DTNB: variants seen among roughly 807,000 people sequenced by gnomAD.
The protein encoded by DTNB is DTN-B.
Under a neutral mutation model 90.7 loss-of-function variants are expected in DTNB, and 63 were observed. That is an observed-to-expected ratio of 0.69 (90% CI 0.57 to 0.86). The LOEUF (loss-of-function observed/expected upper bound fraction) is 0.86, where lower values mean the gene tolerates loss of function less well. Among genes scored for constraint, DTNB ranks in the 40% least tolerant of loss-of-function variants. The pLI is 0.00. For synonymous variants in DTNB, 277 were observed against 286.7 expected, an observed-to-expected ratio of 0.97 and a Z score of 0.34; for missense variants, 744 against 807.1, an observed-to-expected ratio of 0.92 and a Z score of 0.95.
intron 12 of DTNB, among the ~76,000 whole-genome samples, chr2:25,437,233 A>G (rs1262607200): frequency 6.6e-6 from 1 of 152,092 alleles, no homozygotes; most frequent in Non-Finnish European, 1.5e-5. Flanking sequence ...GTATACATCA[A>G]ATAACAGAAA....
At chr2:25,659,860 G>A (rs2082795073) in intron 1 of DTNB, among the ~76,000 whole-genome samples, 1 of 152,018 alleles carries the variant, frequency 6.6e-6, no homozygotes, top group Non-Finnish European at 1.5e-5. Flanking sequence ...TTTGTAGCCA[G>A]CATTACCTAG....
At chr2:25,546,447 G>C (rs1292539705) in intron 8 of DTNB, among the ~76,000 whole-genome samples, 1 of 152,100 alleles carries the variant, frequency 6.6e-6, no homozygotes. Flanking sequence ...TACCTTCTCT[G>C]GGCCACTGGA....
intron 19 of DTNB, chr2:25,379,581 A>G (rs2304428): frequency 0.64 from 252,329 of 396,036 alleles, 83,949 homozygotes; most frequent in Non-Finnish European, 0.71. Context: ...TGGAATCAAA[A>G]CTCCTTAAAT....
At chr2:25,554,527 C>A (rs535519265) in intron 8 of DTNB, among the ~76,000 whole-genome samples, 1 of 152,168 alleles carries the variant, frequency 6.6e-6, no homozygotes, top group East Asian at 1.9e-4. Flanking sequence ...TCGAATAAAA[C>A]TGAAAATGCA....
chr2:25,537,355 C>G, intron 8 of DTNB, among the ~76,000 whole-genome samples: 1 of 152,234 alleles, frequency 6.6e-6, no homozygotes, highest in South Asian at 2.1e-4. Flanking sequence ...ATGTGAAATG[C>G]ATTATCACAC....
chr2:25,482,809 T>C lies in DTNB; in HGVS notation c.1066A>G (p.Thr356Ala). 6.2e-7 allele frequency: 1 copy of C among 1,612,402 alleles called. No individual in the cohort carries two copies. Among genetic ancestry groups the C allele is most frequent in the Admixed American group, 1.7e-5 (1 of 59,866 alleles). ...MVSHMSSGVP[T>A]PTKRLQYSQD... ...AGACATACGTACCTCTTGGTGGGAG[T>C]GGGCACTCCAGAGGACATGTGGCTA... The change falls in exon 10 of 21, where the codon ACT (threonine) becomes GCT (alanine). Residue 356 changes from threonine to alanine, a missense_variant. By Grantham distance (58) the Thr-to-Ala change is moderately conservative. Transcript: ENST00000406818.
chr2:25,640,643 C>T (rs1573897448), intron 2 of DTNB, among the ~76,000 whole-genome samples: 1 of 152,242 alleles, frequency 6.6e-6, no homozygotes, highest in Non-Finnish European at 1.5e-5. Flanking sequence ...GATGCAGTAG[C>T]TCACACCTGT....
At chr2:25,395,908 A>C (rs945898971) in intron 16 of DTNB, among the ~76,000 whole-genome samples, 2 of 152,172 alleles carry the variant, frequency 1.3e-5, no homozygotes, top group African/African-American at 4.8e-5. Context: ...AGACAAGTTA[A>C]AAAATGTAGC....
intron 11 of DTNB, among the ~76,000 whole-genome samples, chr2:25,455,198 G>GTTTA (rs1178676832): frequency 2.0e-5 from 3 of 152,310 alleles, no homozygotes; most frequent in East Asian, 3.9e-4. Flanking sequence ...CTGACTCCAT[G>GTTTA]TTTAGGTCAG....
intron 10 of DTNB, among the ~76,000 whole-genome samples, chr2:25,456,763 C>T (rs1028620276): frequency 1.3e-5 from 2 of 151,716 alleles, no homozygotes; most frequent in Non-Finnish European, 2.9e-5. Context: ...GACGGGTTTT[C>T]GCCTCTGTTG....
chr2:25,391,967 C>G (rs980341824), intron 16 of DTNB, among the ~76,000 whole-genome samples: 6 of 152,216 alleles, frequency 3.9e-5, no homozygotes, highest in Admixed American at 3.9e-4. Context: ...ATCAAAAAGT[C>G]TGAAAGAGCA....
chr2:25,443,964 A>T (rs1483185164), intron 12 of DTNB, among the ~76,000 whole-genome samples: 1 of 152,232 alleles, frequency 6.6e-6, no homozygotes, highest in Non-Finnish European at 1.5e-5. Context: ...GCAGCTGACA[A>T]GGAGATGGGG....
intron 8 of DTNB, among the ~76,000 whole-genome samples, chr2:25,553,228 T>G (rs2056675636): frequency 6.6e-6 from 1 of 152,080 alleles, no homozygotes. Context: ...GCTGGGAGTA[T>G]GCCTATAGTC....
intron 9 of DTNB, among the ~76,000 whole-genome samples, chr2:25,511,664 G>A (rs1450227530): frequency 6.6e-6 from 1 of 152,146 alleles, no homozygotes; most frequent in Non-Finnish European, 1.5e-5. Flanking sequence ...ATATGGAACT[G>A]ATACTTCATA....
At chr2:25,401,534 A>G (rs1348196977) in intron 16 of DTNB, among the ~76,000 whole-genome samples, 1 of 152,218 alleles carries the variant, frequency 6.6e-6, no homozygotes, top group Non-Finnish European at 1.5e-5. Flanking sequence ...ATGATACTGC[A>G]CTGTTCTTGG....
rs562940962 is a variant in DTNB, at chr2:25,636,535, G to A, written c.148+2479C>T. Among the ~76,000 whole-genome samples the A allele has an allele frequency of 5.3e-5, 8 of 152,122 alleles. No homozygotes were observed. The South Asian group carries it at 1.5e-3, about 28-fold the overall frequency. ...GAGTTGTTCTAAGGCAGTGGTTTTC[G>A]AACTTTTTGACCACGAGCACAGAAA... On this transcript the variant is annotated intron_variant, in intron 3 of 20. Transcript: ENST00000406818.
chr2:25,565,783 T>TAGTC (rs1553537953), intron 8 of DTNB, among the ~76,000 whole-genome samples: 3 of 152,214 alleles, frequency 2.0e-5, no homozygotes, highest in Non-Finnish European at 4.4e-5. Flanking sequence ...TCATGTTGTA[T>TAGTC]AGTCCTTTGT....
At chr2:25,394,244 C>G (rs1461714979) in intron 16 of DTNB, among the ~76,000 whole-genome samples, 1 of 152,182 alleles carries the variant, frequency 6.6e-6, no homozygotes, top group East Asian at 1.9e-4. Flanking sequence ...AAAATCAACT[C>G]AGGTTGGATC....
intron 8 of DTNB, among the ~76,000 whole-genome samples, chr2:25,552,841 ATTTTTTTTT>A (rs544243784): frequency 1.3e-4 from 11 of 86,038 alleles, no homozygotes; most frequent in South Asian, 4.5e-4. Context: ...TCTCTTTTTG[ATTTTTTTTT>A]TTTTTTTTTT....
Sources: allele counts gnomAD v4.1 joint callset (sites outside exome capture counted in the v4.1 genomes callset), GRCh38; gene constraint gnomAD v4.1.1; transcripts MANE v1.5; gene names NCBI Gene and HGNC (gene_info 2026-07-23, HGNC 2026-07-21).